SVEP1: variants seen among roughly 807,000 people sequenced by gnomAD.
SVEP1 encodes sushi, von Willebrand factor type A, EGF and pentraxin domain-containing protein 1.
In SVEP1, 164 loss-of-function variants were observed where a neutral mutation model predicts 367.3. The observed-to-expected ratio is 0.45, with a 90% CI of 0.39 to 0.51. The LOEUF is 0.51. Ranked by LOEUF, SVEP1 falls within the 20% of genes least tolerant of loss-of-function variation. The pLI, the probability that SVEP1 is intolerant of heterozygous loss-of-function variation, is 0.00. For synonymous variants in SVEP1, 1,666 were observed against 1,611.6 expected (o/e 1.03, Z -0.81); for missense variants, 4,117 against 4,425.3 (o/e 0.93, Z 1.98).
intron 30 of SVEP1, among the ~76,000 whole-genome samples, chr9:110,433,556 C>T (rs987106494): frequency 6.6e-6 from 1 of 150,850 alleles, no homozygotes; most frequent in African/African-American, 2.4e-5. Context: ...GCAACCTCTG[C>T]CTGCCTCCTG....
chr9:110,469,094 G>C lies in SVEP1; in HGVS notation c.3006C>G (p.Cys1002Trp). The C allele has an allele frequency of 6.2e-7, 1 of 1,610,310 alleles. No homozygotes were observed. Among genetic ancestry groups the C allele is most frequent in the Non-Finnish European group, 8.5e-7 (1 of 1,177,990 alleles). ...CCAGATTATAATAGGTTCCCAAAGG[G>C]CAATTGACTACAGAAAAAGCAAACA... ...SVLRGRMCVN[C>W]PLGTYYNLEH... The change falls in exon 17 of 48, where the codon TGC becomes TGG. Residue 1002 changes from cysteine to tryptophan, a missense_variant. Around this residue, in one of 4 missense-constraint regions of SVEP1, gnomAD observed 2,174 missense variants for 2,494.3 expected, o/e 0.87. Coordinates refer to ENST00000374469, the MANE Select transcript of SVEP1 (RefSeq NM_153366.4).
intron 46 of SVEP1, among the ~76,000 whole-genome samples, chr9:110,373,353 TCTG>T (rs1827304936): frequency 1.3e-5 from 2 of 152,210 alleles, no homozygotes; most frequent in African/African-American, 4.8e-5. Flanking sequence ...CGACTGCACA[TCTG>T]CTTTTGTCTG....
rs769223887 is a variant in SVEP1 at position 110,436,466 on chromosome 9, T to C, written c.4678A>G (p.Lys1560Glu). Residue 1560 changes from lysine (K) to glutamate (E), a missense_variant, in exon 28 of 48, where the codon AAA becomes GAA. Physicochemically the swap from Lys to Glu is moderately conservative, Grantham distance 56. Around this residue, in one of 4 missense-constraint regions of SVEP1, gnomAD observed 2,174 missense variants for 2,494.3 expected, o/e 0.87. Transcript: ENST00000374469. ...TCAGCTGGGCTGAATCCCTCTCCTT[T>C]TTTGTCTTGCTCTTGCCCCAGAACT... ...ALVLGQEQDK[K>E]GEGFSPAESF... 6.2e-7 allele frequency: 1 copy of C among 1,613,910 alleles called. No individual in the cohort carries two copies. Among genetic ancestry groups the C allele is most frequent in the South Asian group, 1.1e-5 (1 of 91,076 alleles).
At chr9:110,552,066 C>G (rs1830294480) in intron 1 of SVEP1, among the ~76,000 whole-genome samples, 1 of 128,834 alleles carries the variant, frequency 7.8e-6, no homozygotes, top group African/African-American at 2.9e-5. Flanking sequence ...GAGTCTCACT[C>G]TGTCACCCAG....
chr9:110,453,022 C>T (rs1828716361), intron 22 of SVEP1, among the ~76,000 whole-genome samples: 1 of 152,118 alleles, frequency 6.6e-6, no homozygotes, highest in Non-Finnish European at 1.5e-5. Flanking sequence ...ATGAGTTGTT[C>T]CAAATGATTA....
At position 110,379,464 on chromosome 9, in the gene SVEP1, G is replaced by A; in HGVS notation, c.10291C>T (p.His3431Tyr). ...HVENAIARGV[H>Y]YQYGDMITYS... ...GTGATCATGTCTCCATATTGATAAT[G>A]TACGCCTCGAGCAATTGCATTTTCT... The change falls in exon 44 of 48, where the codon CAT becomes TAT. Residue 3431 changes from histidine to tyrosine, a missense_variant. Physicochemically the swap from His to Tyr is moderately conservative, Grantham distance 83. Around this residue, in one of 4 missense-constraint regions of SVEP1, gnomAD observed 1,765 missense variants for 1,781.1 expected, o/e 0.99. Coordinates refer to ENST00000374469, the MANE Select transcript of SVEP1 (RefSeq NM_153366.4). The A allele has an allele frequency of 6.2e-7, 1 of 1,613,794 alleles. No individual in the cohort carries two copies. Among genetic ancestry groups the A allele is most frequent in the Non-Finnish European group, 8.5e-7 (1 of 1,179,794 alleles).
At chr9:110,545,091 G>A (rs1195458566) in intron 3 of SVEP1, among the ~76,000 whole-genome samples, 1 of 152,024 alleles carries the variant, frequency 6.6e-6, no homozygotes, top group Non-Finnish European at 1.5e-5. Flanking sequence ...CGAATGATAG[G>A]ATTTCATTCT....
chr9:110,390,296 T>TATACAC, intron 40 of SVEP1, among the ~76,000 whole-genome samples: 9 of 137,426 alleles, frequency 6.5e-5, no homozygotes, highest in Non-Finnish European at 1.2e-4. Context: ...CATACTTATA[T>TATACAC]ATACTTATAT....
intron 37 of SVEP1, among the ~76,000 whole-genome samples, chr9:110,409,217 C>T (rs555192860): frequency 9.2e-5 from 14 of 152,248 alleles, no homozygotes; most frequent in South Asian, 2.1e-4. Context: ...AGGAGGAACA[C>T]TTGAGGTTAG....
intron 39 of SVEP1, among the ~76,000 whole-genome samples, chr9:110,403,168 C>T (rs550380349): frequency 1.3e-5 from 2 of 152,118 alleles, no homozygotes; most frequent in East Asian, 3.9e-4. Context: ...GACACCAACC[C>T]CAACTCCAGC....
At chr9:110,536,459 G>T (rs1170372026) in intron 3 of SVEP1, among the ~76,000 whole-genome samples, 1 of 152,004 alleles carries the variant, frequency 6.6e-6, no homozygotes, top group Non-Finnish European at 1.5e-5. Context: ...CATTTTAAAA[G>T]AACCAATTTC....
At chr9:110,576,040 G>A (rs987775141) in intron 1 of SVEP1, among the ~76,000 whole-genome samples, 6 of 152,112 alleles carry the variant, frequency 3.9e-5, no homozygotes, top group African/African-American at 1.4e-4. Flanking sequence ...TGCATGTGGA[G>A]GGCAGGTTGG....
intron 36 of SVEP1, among the ~76,000 whole-genome samples, chr9:110,425,607 T>C (rs564598886): frequency 1.3e-5 from 2 of 152,320 alleles, no homozygotes; most frequent in South Asian, 4.1e-4. Context: ...TTCCTCTAAA[T>C]AAAAAATCCT....
intron 34 of SVEP1, 111 bp from the exon 35 acceptor site, chr9:110,429,445 G>T: frequency 3.0e-5 from 23 of 774,240 alleles, no homozygotes; most frequent in East Asian, 9.2e-5. Context: ...TGGAAAAGTT[G>T]ATTTTTTTTC....
At chr9:110,434,018 A>G (rs1828393147) in intron 30 of SVEP1, among the ~76,000 whole-genome samples, 1 of 152,164 alleles carries the variant, frequency 6.6e-6, no homozygotes, top group African/African-American at 2.4e-5. Context: ...AATGCACTCG[A>G]CTGAAGATGG....
At chr9:110,470,344 T>C (rs567515997) in intron 16 of SVEP1, among the ~76,000 whole-genome samples, 23 of 152,230 alleles carry the variant, frequency 1.5e-4, no homozygotes, top group Admixed American at 2.6e-4. Flanking sequence ...GTTAATTTTA[T>C]GTTACGTGAA....
intron 16 of SVEP1, among the ~76,000 whole-genome samples, chr9:110,469,932 CT>C (rs761792045): frequency 3.7e-4 from 56 of 152,244 alleles, no homozygotes; most frequent in South Asian, 2.5e-3. Context: ...TTTTAATGTG[CT>C]TTTGATTGGC....
At chr9:110,563,666 C>T (rs181490003) in intron 1 of SVEP1, among the ~76,000 whole-genome samples, 29 of 152,050 alleles carry the variant, frequency 1.9e-4, no homozygotes, top group African/African-American at 3.6e-4. Context: ...TTTTCTAACC[C>T]GAAAGTAGGG....
intron 10 of SVEP1, 47 bp from the exon 11 acceptor site, chr9:110,482,539 T>A (rs778975508): frequency 1.3e-6 from 2 of 1,503,032 alleles, no homozygotes; most frequent in Non-Finnish European, 1.8e-6. Flanking sequence ...ATTCACAATA[T>A]TTTTTTTGAA....
Sources: gnomAD v4.1 joint callset for allele counts (sites outside exome capture counted in the v4.1 genomes callset) on GRCh38, gnomAD v4.1.1 for gene constraint, gnomAD v4.1.1 regional missense constraint, MANE v1.5 for transcripts, NCBI Gene and HGNC (gene_info 2026-07-23, HGNC 2026-07-21) for gene names.